The following CAMK1D variants were observed in gnomAD, a reference collection of about 807,000 sequenced individuals.
The protein encoded by CAMK1D is calcium/calmodulin dependent protein kinase ID.
Under a neutral mutation model 47.7 loss-of-function variants are expected in CAMK1D, and 9 were observed. That is an observed-to-expected ratio of 0.19 (90% CI 0.11 to 0.33). The LOEUF (loss-of-function observed/expected upper bound fraction) is 0.33, where lower values mean the gene tolerates loss of function less well. CAMK1D is among the 10% of genes least tolerant of loss of function. CAMK1D has a pLI of 1.00. For missense variants in CAMK1D, 291 were observed against 488.7 expected (o/e 0.60, Z 3.81); for synonymous variants, 184 against 184.9 (o/e 0.99, Z 0.04).
intron 6 of CAMK1D, among the ~76,000 whole-genome samples, chr10:12,801,531 A>C (rs1054707331): frequency 1.3e-5 from 2 of 151,000 alleles, no homozygotes; most frequent in African/African-American, 4.9e-5. Flanking sequence ...TTGTTTATCC[A>C]TTCATCCTTC....
At position 12,831,867 on chromosome 10, in the gene CAMK1D, T is replaced by TTATA. The variant is rs1833424093; in HGVS notation, c.*2981_*2984dup. On this transcript the variant is annotated 3_prime_UTR_variant, in exon 11 of 11. Coordinates refer to ENST00000619168, the MANE Select transcript of CAMK1D (RefSeq NM_153498.4). ...ACTGCGCTTGGTATGATTTGTTTTC[T>TTATA]TATAAAACAGGAAGAGAACCTAGAA... 3 of 152,220 alleles carry TTATA rather than the reference T, an allele frequency of 2.0e-5. No homozygotes were observed. The highest frequency in any genetic ancestry group is 2.0e-4 in the Admixed American group (3 of 15,284). 9.4% of individuals were successfully genotyped at this position (152,220 alleles called of 1,614,324 possible).
chr10:12,738,996 C>T (rs1421151258), intron 3 of CAMK1D, among the ~76,000 whole-genome samples: 1 of 152,124 alleles, frequency 6.6e-6, no homozygotes, highest in Non-Finnish European at 1.5e-5. Context: ...GCAATCCCAG[C>T]ACTTTGGAAG....
intron 1 of CAMK1D, among the ~76,000 whole-genome samples, chr10:12,449,873 C>T (rs985126763): frequency 1.3e-5 from 2 of 152,110 alleles, no homozygotes; most frequent in Non-Finnish European, 2.9e-5. Context: ...GTGGCAGGCG[C>T]CTGTAATCCC....
chr10:12,418,421 A>G (rs1052758334), intron 1 of CAMK1D, among the ~76,000 whole-genome samples: 2 of 152,164 alleles, frequency 1.3e-5, no homozygotes, highest in Non-Finnish European at 2.9e-5. Flanking sequence ...TCTGGGCAAC[A>G]TAGCCACATC....
At chr10:12,601,312 C>T (rs1838297122) in intron 2 of CAMK1D, among the ~76,000 whole-genome samples, 1 of 151,632 alleles carries the variant, frequency 6.6e-6, no homozygotes, top group Non-Finnish European at 1.5e-5. Flanking sequence ...TTTGGTTTCA[C>T]TCAGTCTTGC....
intron 1 of CAMK1D, among the ~76,000 whole-genome samples, chr10:12,350,574 C>T (rs1213777953): frequency 2.7e-5 from 1 of 37,010 alleles, no homozygotes; most frequent in Non-Finnish European, 8.3e-5. Context: ...GGGCGGTGCT[C>T]TCTCCGGGCT....
chr10:12,491,684 CAG>C (rs1180923128), intron 1 of CAMK1D, among the ~76,000 whole-genome samples: 1 of 152,132 alleles, frequency 6.6e-6, no homozygotes, highest in Non-Finnish European at 1.5e-5. Context: ...GCATTTCCCG[CAG>C]AGTCTGGCAC....
chr10:12,629,594 C>A (rs764488692), intron 2 of CAMK1D, among the ~76,000 whole-genome samples: 3 of 152,186 alleles, frequency 2.0e-5, no homozygotes, highest in Non-Finnish European at 4.4e-5. Context: ...TGATTATAGT[C>A]ATCGCAGACA....
chr10:12,828,368 C>T (rs60006006), intron 10 of CAMK1D, among the ~76,000 whole-genome samples: 48,594 of 151,874 alleles, frequency 0.32, 8,102 homozygotes, highest in African/African-American at 0.41. Context: ...AAGTTGGGCG[C>T]GGTGGCTCAC....
At chr10:12,410,741 C>A (rs572257966) in intron 1 of CAMK1D, among the ~76,000 whole-genome samples, 3 of 152,174 alleles carry the variant, frequency 2.0e-5, no homozygotes, top group Non-Finnish European at 2.9e-5. Context: ...GAATGACACA[C>A]GTTTAATGTT....
At chr10:12,377,737 A>G (rs1450139019) in intron 1 of CAMK1D, among the ~76,000 whole-genome samples, 1 of 152,314 alleles carries the variant, frequency 6.6e-6, no homozygotes, top group East Asian at 1.9e-4. Flanking sequence ...GAGATCGCAC[A>G]TGGGAAAATT....
At chr10:12,806,145 T>C (rs571594569) in intron 6 of CAMK1D, among the ~76,000 whole-genome samples, 1 of 152,304 alleles carries the variant, frequency 6.6e-6, no homozygotes, top group Non-Finnish European at 1.5e-5. Flanking sequence ...ATTTTCTCGA[T>C]TGAGGATGCA....
intron 4 of CAMK1D, among the ~76,000 whole-genome samples, chr10:12,768,631 T>G (rs1229096168): frequency 6.6e-6 from 1 of 151,708 alleles, no homozygotes; most frequent in Non-Finnish European, 1.5e-5. Context: ...TGACAGTCCT[T>G]GACATCGTCT....
intron 1 of CAMK1D, among the ~76,000 whole-genome samples, chr10:12,493,382 C>T (rs889507224): frequency 3.3e-5 from 5 of 152,178 alleles, no homozygotes; most frequent in South Asian, 2.1e-4. Context: ...CTTCCATGAT[C>T]GCTGAGTCCA....
At chr10:12,397,648 C>T (rs758859434) in intron 1 of CAMK1D, among the ~76,000 whole-genome samples, 4 of 152,138 alleles carry the variant, frequency 2.6e-5, no homozygotes, top group African/African-American at 4.8e-5. Context: ...CACCAGGAAG[C>T]GCTCAGTGAT....
At chr10:12,715,294 T>C (rs12240912) in intron 3 of CAMK1D, among the ~76,000 whole-genome samples, 6,339 of 152,326 alleles carry the variant, frequency 0.042, 245 homozygotes, top group African/African-American at 0.097. Flanking sequence ...GAGCACCCAA[T>C]TGGTCACTTC....
At chr10:12,617,241 G>A (rs908029484) in intron 2 of CAMK1D, among the ~76,000 whole-genome samples, 1 of 152,172 alleles carries the variant, frequency 6.6e-6, no homozygotes, top group Non-Finnish European at 1.5e-5. Context: ...AACTGGTGCT[G>A]TTATTTTATT....
At chr10:12,631,053 G>A (rs1455636822) in intron 2 of CAMK1D, among the ~76,000 whole-genome samples, 3 of 152,150 alleles carry the variant, frequency 2.0e-5, no homozygotes, top group Non-Finnish European at 4.4e-5. Flanking sequence ...TGATTTAAGT[G>A]TTCAGAGATT....
intron 2 of CAMK1D, among the ~76,000 whole-genome samples, chr10:12,584,915 C>T (rs2132346731): frequency 6.6e-6 from 1 of 152,280 alleles, no homozygotes; most frequent in East Asian, 1.9e-4. Context: ...TATCACATTG[C>T]TTCCTAATAC....
Sources: allele counts gnomAD v4.1 joint callset (sites outside exome capture counted in the v4.1 genomes callset), GRCh38; gene constraint gnomAD v4.1.1; transcripts MANE v1.5; gene names NCBI Gene and HGNC (gene_info 2026-07-23, HGNC 2026-07-21).